Variants in DNM3 observed in about 807,000 individuals in gnomAD.
DNM3 encodes dynamin 3, also known as dynamin-3.
A neutral mutation model predicts 101.6 loss-of-function variants in DNM3; 47 were observed. The ratio of observed to expected loss-of-function variants is 0.46; its 90% CI spans 0.37 to 0.59. DNM3 has a LOEUF of 0.59. Ranked by LOEUF, DNM3 falls within the 20% of genes least tolerant of loss-of-function variation. The pLI is 0.00. For synonymous variants in DNM3, 385 were observed against 387.9 expected, an observed-to-expected ratio of 0.99 and a Z score of 0.09; for missense variants, 849 against 1,085.7, an observed-to-expected ratio of 0.78 and a Z score of 3.06.
intron 14 of DNM3, among the ~76,000 whole-genome samples, chr1:172,243,695 T>C (rs2061833148): frequency 6.6e-6 from 1 of 152,154 alleles, no homozygotes; most frequent in African/African-American, 2.4e-5. Context: ...TATACAGTGC[T>C]CAAGAGAAAA....
chr1:172,197,753 T>C (rs1053692497), intron 14 of DNM3, among the ~76,000 whole-genome samples: 2 of 152,190 alleles, frequency 1.3e-5, no homozygotes, highest in Non-Finnish European at 2.9e-5. Context: ...TTTTGTACAT[T>C]GATTTTGTAT....
intron 1 of DNM3, among the ~76,000 whole-genome samples, chr1:171,892,161 TTGTGTG>T (rs140183586): frequency 6.6e-6 from 1 of 151,912 alleles, no homozygotes; most frequent in Non-Finnish European, 1.5e-5. Context: ...AGTCTCGTAA[TTGTGTG>T]TGTGTGCGTG....
intron 15 of DNM3, among the ~76,000 whole-genome samples, chr1:172,257,907 G>C (rs1168213713): frequency 1.0e-4 from 14 of 135,562 alleles, no homozygotes; most frequent in African/African-American, 4.1e-4. Context: ...CACACACACA[G>C]ACAAACAGAC....
At chr1:172,261,214 A>G (rs1323475873) in intron 15 of DNM3, among the ~76,000 whole-genome samples, 1 of 152,188 alleles carries the variant, frequency 6.6e-6, no homozygotes, top group African/African-American at 2.4e-5. Flanking sequence ...TCTTATGTTG[A>G]TATCTACACA....
intron 1 of DNM3, among the ~76,000 whole-genome samples, chr1:171,910,328 G>T (rs965569697): frequency 6.6e-6 from 1 of 152,178 alleles, no homozygotes; most frequent in Non-Finnish European, 1.5e-5. Flanking sequence ...GTTTTAAATT[G>T]CATGTCATTC....
At chr1:172,031,642 T>C (rs980147253) in intron 4 of DNM3, among the ~76,000 whole-genome samples, 1 of 152,160 alleles carries the variant, frequency 6.6e-6, no homozygotes, top group Non-Finnish European at 1.5e-5. Context: ...ATGACAAATA[T>C]CATGTATATG....
intron 14 of DNM3, among the ~76,000 whole-genome samples, chr1:172,250,152 T>A (rs796498371): frequency 9.2e-5 from 14 of 152,204 alleles, no homozygotes; most frequent in African/African-American, 3.1e-4. Context: ...TATATTAATA[T>A]AAGGGAGAGA....
chr1:172,233,056 G>A (rs1167141837), intron 14 of DNM3, among the ~76,000 whole-genome samples: 1 of 152,036 alleles, frequency 6.6e-6, no homozygotes, highest in Admixed American at 6.6e-5. Flanking sequence ...AACTGAAGGA[G>A]ATAGAGACAC....
chr1:171,935,825 T>C (rs2041373237), intron 2 of DNM3, among the ~76,000 whole-genome samples: 1 of 136,572 alleles, frequency 7.3e-6, no homozygotes, highest in Non-Finnish European at 1.6e-5. Context: ...GTTAAGCATT[T>C]ACCAGGACAC....
chr1:172,129,527 G>A (rs139580498), intron 13 of DNM3, among the ~76,000 whole-genome samples: 47 of 152,324 alleles, frequency 3.1e-4, no homozygotes, highest in Non-Finnish European at 5.6e-4. Context: ...TGGACTTACA[G>A]TTCCACATGG....
chr1:171,887,242 C>T (rs1003612305), intron 1 of DNM3, among the ~76,000 whole-genome samples: 3 of 152,180 alleles, frequency 2.0e-5, no homozygotes, highest in African/African-American at 7.2e-5. Flanking sequence ...ACTATCCTCA[C>T]TTTAAAAGTA....
chr1:172,093,818 T>C lies in DNM3; in HGVS notation c.1545+943T>C. On this transcript the variant is annotated intron_variant, in intron 13 of 20. Transcript: ENST00000627582. ...TTTAACTGATTAACTCAACTAGCGCTTGCTACTAATTTTTTTTAAACTTAG... is the reference window on the plus strand; with the variant it reads ...TTTAACTGATTAACTCAACTAGCGCCTGCTACTAATTTTTTTTAAACTTAG... 5 of 1,243,570 alleles carry C rather than the reference T, an allele frequency of 4.0e-6. No homozygotes were observed. In the South Asian group the frequency reaches 5.8e-5, roughly 14 times the overall value. 77.0% of individuals were successfully genotyped at this position (1,243,570 alleles called of 1,614,324 possible).
chr1:171,949,572 G>T (rs1434710764), intron 2 of DNM3, among the ~76,000 whole-genome samples: 1 of 151,868 alleles, frequency 6.6e-6, no homozygotes, highest in Non-Finnish European at 1.5e-5. Flanking sequence ...AGCATGCCTG[G>T]CTAATGAAAT....
intron 16 of DNM3, among the ~76,000 whole-genome samples, chr1:172,315,488 GA>G (rs1279961930): frequency 6.6e-6 from 1 of 152,116 alleles, no homozygotes; most frequent in Non-Finnish European, 1.5e-5. Context: ...TGAAAACTTT[GA>G]AAAAAATTTA....
intron 14 of DNM3, among the ~76,000 whole-genome samples, chr1:172,253,033 A>G (rs918821796): frequency 6.6e-6 from 1 of 152,086 alleles, no homozygotes; most frequent in Non-Finnish European, 1.5e-5. Flanking sequence ...TATGGGGGGT[A>G]TTTCATACTG....
Position 172,033,283 on chromosome 1 carries a change from A to G in DNM3, c.849+18A>G. 3 of 1,572,094 alleles carry G rather than the reference A, an allele frequency of 1.9e-6. No homozygotes were observed. Among genetic ancestry groups the G allele is most frequent in the Non-Finnish European group, 2.6e-6 (3 of 1,158,110 alleles). ...TTAATCAGGTAAAAATGTTCTTTCAAGCAACAAGAACAATTATGAAATATG... is the reference window on the plus strand; with the variant it reads ...TTAATCAGGTAAAAATGTTCTTTCAGGCAACAAGAACAATTATGAAATATG... On this transcript the variant is annotated intron_variant, in intron 6 of 20. Coordinates refer to ENST00000627582, the MANE Select transcript of DNM3 (RefSeq NM_015569.5).
intron 4 of DNM3, among the ~76,000 whole-genome samples, chr1:172,016,186 C>CA (rs58031756): frequency 0.067 from 5,455 of 81,762 alleles, 164 homozygotes; most frequent in African/African-American, 0.12. Flanking sequence ...GACTCCATCT[C>CA]AAAAAAAAAA....
At chr1:172,186,811 AG>A (rs2059543130) in intron 14 of DNM3, among the ~76,000 whole-genome samples, 1 of 152,134 alleles carries the variant, frequency 6.6e-6, no homozygotes, top group South Asian at 2.1e-4. Context: ...TAGGAGTTAT[AG>A]ATGTTTTCCT....
At chr1:171,968,968 A>G (rs1201637071) in intron 2 of DNM3, among the ~76,000 whole-genome samples, 1 of 152,158 alleles carries the variant, frequency 6.6e-6, no homozygotes, top group Non-Finnish European at 1.5e-5. Context: ...TCTGCCTTCA[A>G]TTGGCTTATT....
Sources: gnomAD v4.1 joint callset for allele counts (sites outside exome capture counted in the v4.1 genomes callset) on GRCh38, gnomAD v4.1.1 for gene constraint, MANE v1.5 for transcripts, NCBI Gene and HGNC (gene_info 2026-07-23, HGNC 2026-07-21) for gene names.